The following CREB5 variants were observed in gnomAD, a reference collection of about 807,000 sequenced individuals.
CREB5 encodes cAMP responsive element binding protein 5.
Under a neutral mutation model 57.1 loss-of-function variants are expected in CREB5, and 19 were observed. That is an observed-to-expected ratio of 0.33 (90% CI 0.23 to 0.49). CREB5 has a LOEUF of 0.49. Ranked by LOEUF, CREB5 falls within the 20% of genes least tolerant of loss-of-function variation. The probability of loss-of-function intolerance (pLI) is 0.99; values close to 1 mark genes in which losing one functional copy is unlikely to be tolerated. For missense variants in CREB5, 579 were observed against 671.6 expected (o/e 0.86, Z 1.52); for synonymous variants, 238 against 238.3 (o/e 1.00, Z 0.01).
rs1459893117 is a variant in CREB5, at chr7:28,622,257, TCTCA to T, written c.464+51722_464+51725del. Among the ~76,000 whole-genome samples, 209 of 139,292 alleles carry T rather than the reference TCTCA, an allele frequency of 1.5e-3. 3 individuals carry two copies. Among genetic ancestry groups the T allele is most frequent in the South Asian group, 4.2e-3 (18 of 4,244 alleles). The allele number at this position is 139,292 out of a possible 152,430, so 91.4% of individuals were successfully genotyped here. On this transcript the variant is annotated intron_variant, in intron 5 of 10. Coordinates refer to ENST00000357727, the MANE Select transcript of CREB5 (RefSeq NM_182898.4). ...TATACACACATTCTCTCTCTCTCTC[TCTCA>T]CACACACACACACACACACACACAC...
At chr7:28,593,061 G>A (rs1285419638) in intron 5 of CREB5, among the ~76,000 whole-genome samples, 1 of 152,124 alleles carries the variant, frequency 6.6e-6, no homozygotes, top group Non-Finnish European at 1.5e-5. Flanking sequence ...GATAAATCCA[G>A]TTGCAGATAA....
At chr7:28,380,967 C>T (rs1396681158) in intron 1 of CREB5, among the ~76,000 whole-genome samples, 1 of 152,130 alleles carries the variant, frequency 6.6e-6, no homozygotes, top group African/African-American at 2.4e-5. Flanking sequence ...ATAATGTTGT[C>T]TGTAGTGAAT....
At chr7:28,690,607 T>C (rs1801200480) in intron 5 of CREB5, among the ~76,000 whole-genome samples, 2 of 152,156 alleles carry the variant, frequency 1.3e-5, no homozygotes, top group Admixed American at 1.3e-4. Flanking sequence ...TCTCTGTGAA[T>C]TGTGGATAAC....
chr7:28,646,793 G>A (rs1290540194), intron 5 of CREB5, among the ~76,000 whole-genome samples: 1 of 152,034 alleles, frequency 6.6e-6, no homozygotes, highest in Non-Finnish European at 1.5e-5. Flanking sequence ...TTGCAAATGA[G>A]ATTTTTTTAA....
chr7:28,655,240 G>A (rs936846172), intron 5 of CREB5, among the ~76,000 whole-genome samples: 3 of 152,120 alleles, frequency 2.0e-5, no homozygotes, highest in African/African-American at 7.2e-5. Context: ...AGCTCGAATG[G>A]TGGCATGTAG....
chr7:28,351,415 T>C (rs1173885459), intron 1 of CREB5, among the ~76,000 whole-genome samples: 1 of 152,202 alleles, frequency 6.6e-6, no homozygotes, highest in African/African-American at 2.4e-5. Flanking sequence ...GGAAGAAAGA[T>C]GTTTGCAAAG....
At chr7:28,343,167 C>G (rs1272406267) in intron 1 of CREB5, among the ~76,000 whole-genome samples, 1 of 152,158 alleles carries the variant, frequency 6.6e-6, no homozygotes, top group African/African-American at 2.4e-5. Flanking sequence ...GTCTCGATCT[C>G]CTGACTTTGT....
intron 4 of CREB5, among the ~76,000 whole-genome samples, chr7:28,560,879 C>CGTGTGTGTGCGCGT (rs1215492156): frequency 4.5e-5 from 1 of 22,060 alleles, no homozygotes; most frequent in Non-Finnish European, 1.0e-4. Flanking sequence ...CGTGCGCGTG[C>CGTGTGTGTGCGCGT]GTGCGTGCGT....
chr7:28,729,501 C>T (rs1399719668), intron 7 of CREB5, among the ~76,000 whole-genome samples: 1 of 152,168 alleles, frequency 6.6e-6, no homozygotes, highest in Admixed American at 6.5e-5. Flanking sequence ...CCCTAATTAT[C>T]GAGCTGGATA....
In CREB5 at chr7:28,794,789, A is replaced by G. The variant is rs202037867; in HGVS notation, c.703-9410A>G. Among the ~76,000 whole-genome samples the G allele has an allele frequency of 7.2e-5, 11 of 152,080 alleles. No individual in the cohort carries two copies. In the East Asian group the frequency reaches 1.7e-3, roughly 24 times the overall value. On this transcript the variant is annotated intron_variant, in intron 7 of 10. Transcript: ENST00000357727. Reference sequence around the variant, plus strand: ...ACCACCACCACTGTCTCTGCCCAGAAGTTGAACCCAACTAAATGGATCAAT... The same window carrying G: ...ACCACCACCACTGTCTCTGCCCAGAGGTTGAACCCAACTAAATGGATCAAT...
intron 5 of CREB5, among the ~76,000 whole-genome samples, chr7:28,676,513 T>G (rs976532864): frequency 2.6e-5 from 4 of 152,152 alleles, no homozygotes; most frequent in African/African-American, 9.7e-5. Context: ...TCACTCGTGT[T>G]TTTGGGTCTG....
chr7:28,643,751 T>TGGC (rs1554279436), intron 5 of CREB5, among the ~76,000 whole-genome samples: 1 of 133,530 alleles, frequency 7.5e-6, no homozygotes, highest in East Asian at 2.1e-4. Flanking sequence ...GTTTGGGAGG[T>TGGC]GGGGGGGGGC....
At position 28,820,775 on chromosome 7, in the gene CREB5, T is replaced by A. The variant is rs1809721522; in HGVS notation, c.*1496T>A. ...CACATAACCATGCCTGGCTAATTTA[T>A]TTTTACTTTTATTTTAAAATAAAAG... On this transcript the variant is annotated 3_prime_UTR_variant, in exon 11 of 11. Transcript: ENST00000357727. 2 of 152,156 alleles carry A rather than the reference T, an allele frequency of 1.3e-5. No homozygotes were observed. The highest frequency in any genetic ancestry group is 2.9e-5 in the Non-Finnish European group (2 of 68,032). 9.4% of individuals were successfully genotyped at this position (152,156 alleles called of 1,614,324 possible). A position where few individuals can be genotyped will look rare whatever the true frequency, so the allele number is the denominator to read the frequency against.
intron 1 of CREB5, among the ~76,000 whole-genome samples, chr7:28,366,450 T>C (rs2127993060): frequency 6.6e-6 from 1 of 152,316 alleles, no homozygotes. Flanking sequence ...CTACTTATTG[T>C]TATTGTGAGA....
intron 5 of CREB5, among the ~76,000 whole-genome samples, chr7:28,605,609 C>A (rs78995383): frequency 1.3e-5 from 2 of 152,192 alleles, no homozygotes; most frequent in African/African-American, 2.4e-5. Flanking sequence ...GCTTCCTGCT[C>A]CTTGTTTCCT....
chr7:28,527,949 G>A (rs942609487), intron 4 of CREB5, among the ~76,000 whole-genome samples: 2 of 152,264 alleles, frequency 1.3e-5, no homozygotes, highest in South Asian at 2.1e-4. Flanking sequence ...TACTGGCTAC[G>A]TGGCCTTACC....
At chr7:28,360,244 G>C (rs1398271604) in intron 1 of CREB5, among the ~76,000 whole-genome samples, 2 of 152,164 alleles carry the variant, frequency 1.3e-5, no homozygotes, top group Non-Finnish European at 2.9e-5. Context: ...TTGGAAATCA[G>C]TATGTTGAAG....
intron 7 of CREB5, among the ~76,000 whole-genome samples, chr7:28,799,751 T>C (rs1423632721): frequency 1.3e-5 from 2 of 152,192 alleles, no homozygotes; most frequent in African/African-American, 4.8e-5. Flanking sequence ...TGTTTTCTTT[T>C]CTCTGTTACT....
chr7:28,688,323 A>C (rs1025758795), intron 5 of CREB5, among the ~76,000 whole-genome samples: 3 of 152,216 alleles, frequency 2.0e-5, no homozygotes, highest in African/African-American at 7.2e-5. Context: ...AACTTTTCTA[A>C]AAGATCCCGC....
Sources: allele counts gnomAD v4.1 joint callset (sites outside exome capture counted in the v4.1 genomes callset), GRCh38; gene constraint gnomAD v4.1.1; transcripts MANE v1.5; gene names NCBI Gene and HGNC (gene_info 2026-07-23, HGNC 2026-07-21).